The following DLGAP2 variants were observed in gnomAD, a reference collection of about 807,000 sequenced individuals.
The protein encoded by DLGAP2 is disks large-associated protein 2.
Under a neutral mutation model 100.3 loss-of-function variants are expected in DLGAP2, and 26 were observed. The observed-to-expected ratio is 0.26, with a 90% confidence interval of 0.19 to 0.36. DLGAP2 has a LOEUF of 0.36. Among genes scored for constraint, DLGAP2 ranks in the 10% least tolerant of loss-of-function variants. DLGAP2 has a pLI of 1.00. For synonymous variants in DLGAP2, 886 were observed against 630.1 expected (o/e 1.41, Z -6.08); for missense variants, 1,858 against 1,453.2 (o/e 1.28, Z -4.53).
intron 1 of DLGAP2, among the ~76,000 whole-genome samples, chr8:875,739 A>C (rs1304548682): frequency 6.6e-6 from 1 of 152,306 alleles, no homozygotes; most frequent in East Asian, 1.9e-4. Flanking sequence ...CATTAAGTGA[A>C]TATTTTCCAC....
intron 8 of DLGAP2, among the ~76,000 whole-genome samples, chr8:1,636,147 C>T (rs1000418201): frequency 2.6e-5 from 4 of 152,298 alleles, no homozygotes; most frequent in South Asian, 4.1e-4. Flanking sequence ...AATTATTTAT[C>T]GGATTGCTTT....
At chr8:1,504,604 A>G (rs10866928) in intron 4 of DLGAP2, among the ~76,000 whole-genome samples, 146,816 of 152,314 alleles carry the variant, frequency 0.96, 70,807 homozygotes, top group East Asian at 1. Context: ...TCTGAGTTCT[A>G]TGCTTTCAGA....
chr8:1,455,292 G>C (rs2130128228), intron 3 of DLGAP2, among the ~76,000 whole-genome samples: 1 of 152,356 alleles, frequency 6.6e-6, no homozygotes, highest in Admixed American at 6.5e-5. Flanking sequence ...TCATGCGCTG[G>C]GGCAGGGCCC....
chr8:1,166,533 A>T (rs577997173), intron 2 of DLGAP2, among the ~76,000 whole-genome samples: 2 of 152,204 alleles, frequency 1.3e-5, no homozygotes, highest in Non-Finnish European at 2.9e-5. Flanking sequence ...TTTTGCTGAC[A>T]TTTTTATAGA....
At chr8:959,838 C>G (rs930445778) in intron 2 of DLGAP2, among the ~76,000 whole-genome samples, 2 of 152,124 alleles carry the variant, frequency 1.3e-5, no homozygotes, top group African/African-American at 4.8e-5. Context: ...TCATTAAAAA[C>G]AATGATTTTC....
chr8:1,365,623 T>A (rs1226290176), intron 3 of DLGAP2, among the ~76,000 whole-genome samples: 7 of 152,202 alleles, frequency 4.6e-5, no homozygotes. Context: ...TAGCTATTAA[T>A]GGCATTGACC....
chr8:997,579 A>G (rs1463011843), intron 2 of DLGAP2, among the ~76,000 whole-genome samples: 1 of 152,228 alleles, frequency 6.6e-6, no homozygotes, highest in Non-Finnish European at 1.5e-5. Context: ...AAAATAAAGC[A>G]TAAAATGTAA....
Position 1,422,821 on chromosome 8 carries a change from C to A in DLGAP2, c.107-78545C>A, listed in dbSNP as rs181771292. Reference sequence around the variant, plus strand: ...TGGGAGTGTTTCATCCACAAGCAGTCTTCAAATGTGAGAGCTGCTCAGGGC... The same window carrying A: ...TGGGAGTGTTTCATCCACAAGCAGTATTCAAATGTGAGAGCTGCTCAGGGC... On this transcript the variant is annotated intron_variant, in intron 3 of 14. Transcript: ENST00000637795. Among the ~76,000 whole-genome samples, 33 of 152,250 alleles carry A rather than the reference C, an allele frequency of 2.2e-4. No homozygotes were observed. The East Asian group carries it at 5.0e-3, about 23-fold the overall frequency.
intron 2 of DLGAP2, among the ~76,000 whole-genome samples, chr8:1,236,200 G>C (rs1370394903): frequency 2.8e-5 from 3 of 106,136 alleles, no homozygotes; most frequent in East Asian, 5.8e-4. Flanking sequence ...ATCGTGTCTA[G>C]TTCTCTCACA....
chr8:826,744 C>G (rs967471383), intron 1 of DLGAP2, among the ~76,000 whole-genome samples: 1 of 152,188 alleles, frequency 6.6e-6, no homozygotes, highest in Non-Finnish European at 1.5e-5. Context: ...CTCGAGGGAC[C>G]TCAGTGCTGT....
rs185425594 is a variant in DLGAP2 at position 1,198,190 on chromosome 8, C to T, written c.74-60661C>T. ...GGTGTGGTGCTGGGCTATGCTGCGG[C>T]GAAAAGGAGCAATTTCCTTGAGGAT... On this transcript the variant is annotated intron_variant, in intron 2 of 14. Transcript: ENST00000637795. Among the ~76,000 whole-genome samples, 209 of 152,146 alleles carry T rather than the reference C, an allele frequency of 1.4e-3. 1 individual carries two copies. The highest frequency in any genetic ancestry group is 4.4e-3 in the African/African-American group (183 of 41,490).
At position 1,281,765 on chromosome 8, in the gene DLGAP2, A is replaced by G. The variant is rs529071867; in HGVS notation, c.106+22882A>G. ...AAGCCTTCCCCGGGGAGTCAGCTGT[A>G]TGAGATGGGAACAGAGGCGTGGAGG... On this transcript the variant is annotated intron_variant, in intron 3 of 14. Transcript: ENST00000637795. Among the ~76,000 whole-genome samples the G allele has an allele frequency of 5.9e-5, 9 of 152,312 alleles. No homozygotes were observed. The South Asian group carries it at 1.9e-3, about 32-fold the overall frequency.
intron 3 of DLGAP2, among the ~76,000 whole-genome samples, chr8:1,349,607 C>G (rs1801658656): frequency 7.4e-6 from 1 of 136,034 alleles, no homozygotes; most frequent in East Asian, 2.3e-4. Flanking sequence ...CTCCTGCCCA[C>G]ATCCACGCAT....
At chr8:985,143 C>G (rs1348708196) in intron 2 of DLGAP2, among the ~76,000 whole-genome samples, 1 of 152,182 alleles carries the variant, frequency 6.6e-6, no homozygotes, top group Non-Finnish European at 1.5e-5. Context: ...TTTCCAAGGT[C>G]CCTGGCTGAG....
At chr8:942,108 C>T (rs1799211086) in intron 2 of DLGAP2, among the ~76,000 whole-genome samples, 2 of 152,170 alleles carry the variant, frequency 1.3e-5, no homozygotes, top group Non-Finnish European at 2.9e-5. Context: ...AGGTGCATGC[C>T]ACTATGTCCA....
chr8:1,420,524 A>G lies in DLGAP2; in HGVS notation c.107-80842A>G, dbSNP rs78100668. Among the ~76,000 whole-genome samples, 268 of 152,280 alleles carry G rather than the reference A, an allele frequency of 1.8e-3. 2 individuals are homozygous for G. Among genetic ancestry groups the G allele is most frequent in the African/African-American group, 6.2e-3 (256 of 41,558 alleles). On this transcript the variant is annotated intron_variant, in intron 3 of 14. Coordinates refer to ENST00000637795, the MANE Select transcript of DLGAP2 (RefSeq NM_001346810.2). ...AAACTACAACTCTATGCATGTCACTATCCTACTAAAGCATGTTTAAGCTAT... is the reference window on the plus strand; with the variant it reads ...AAACTACAACTCTATGCATGTCACTGTCCTACTAAAGCATGTTTAAGCTAT...
At chr8:1,556,053 G>T (rs548173022) in intron 5 of DLGAP2, among the ~76,000 whole-genome samples, 1 of 152,342 alleles carries the variant, frequency 6.6e-6, no homozygotes, top group East Asian at 1.9e-4. Context: ...ACTCAAGATG[G>T]TCGTGGATGC....
chr8:1,494,390 C>A (rs1480672499), intron 3 of DLGAP2, among the ~76,000 whole-genome samples: 1 of 152,202 alleles, frequency 6.6e-6, no homozygotes, highest in Non-Finnish European at 1.5e-5. Flanking sequence ...CCTCCTCTTT[C>A]TTCCCAAACC....
At chr8:1,531,103 G>T (rs1800975089) in intron 4 of DLGAP2, among the ~76,000 whole-genome samples, 1 of 152,244 alleles carries the variant, frequency 6.6e-6, no homozygotes, top group Non-Finnish European at 1.5e-5. Context: ...ACATTCCCTT[G>T]AAAGTGCTGA....
Sources: allele counts gnomAD v4.1 joint callset (sites outside exome capture counted in the v4.1 genomes callset), GRCh38; gene constraint gnomAD v4.1.1; transcripts MANE v1.5; gene names NCBI Gene and HGNC (gene_info 2026-07-23, HGNC 2026-07-21).